Variants in BEGAIN observed in about 807,000 individuals in gnomAD.
BEGAIN encodes brain enriched guanylate kinase associated.
A neutral mutation model predicts 35.8 loss-of-function variants in BEGAIN; 19 were observed. The ratio of observed to expected loss-of-function variants is 0.53; its 90% CI spans 0.37 to 0.78. The LOEUF (loss-of-function observed/expected upper bound fraction) is 0.78, where lower values mean the gene tolerates loss of function less well. BEGAIN is among the 30% of genes least tolerant of loss of function. The pLI is 0.00. For synonymous variants in BEGAIN, 462 were observed against 388.6 expected (o/e 1.19, Z -2.22); for missense variants, 795 against 853.6 (o/e 0.93, Z 0.85).
intron 2 of BEGAIN, 87 bp from the exon 3 acceptor site, chr14:100,546,749 A>G: frequency 7.8e-7 from 1 of 1,289,176 alleles, no homozygotes; most frequent in Non-Finnish European, 1.0e-6. Flanking sequence ...GTGCCGCACT[A>G]ACACGCGAGT....
chr14:100,580,314 CATAA>C (rs1330802783), intron 1 of BEGAIN, among the ~76,000 whole-genome samples: 2 of 152,082 alleles, frequency 1.3e-5, no homozygotes, highest in Non-Finnish European at 2.9e-5. Context: ...AAAATAAACA[CATAA>C]ATAAAGAAAA....
intron 1 of BEGAIN, among the ~76,000 whole-genome samples, chr14:100,571,908 A>G (rs943564252): frequency 2.0e-5 from 3 of 152,094 alleles, no homozygotes; most frequent in African/African-American, 7.2e-5. Context: ...CTACCCATCT[A>G]AAGCATCGGT....
rs1227578199 is a variant in BEGAIN, at chr14:100,567,718, C to G, written c.71+193G>C. ...GCGGCCCGGGCCGGCGGAGGAGCCCCGCGCGAGGCTCCCCAGCGCCTCGCG... is the reference window on the plus strand; with the variant it reads ...GCGGCCCGGGCCGGCGGAGGAGCCCGGCGCGAGGCTCCCCAGCGCCTCGCG... On this transcript the variant is annotated intron_variant, in intron 2 of 6. Coordinates refer to ENST00000554140, the MANE Select transcript of BEGAIN (RefSeq NM_001385089.1). The surrounding 1 kb of genome is among the most constrained non-coding windows in gnomAD (Gnocchi z 5.1). Among the ~76,000 whole-genome samples, 1 of 151,134 alleles carries G rather than the reference C, an allele frequency of 6.6e-6. No individual in the cohort carries two copies. The highest frequency in any genetic ancestry group is 1.5e-5 in the Non-Finnish European group (1 of 67,714).
chr14:100,565,965 T>C (rs1026596645), intron 2 of BEGAIN, among the ~76,000 whole-genome samples: 1 of 152,190 alleles, frequency 6.6e-6, no homozygotes, highest in African/African-American at 2.4e-5. Flanking sequence ...GGGCTTTTGG[T>C]TCTGAATCCC....
At chr14:100,560,890 C>T (rs1172214877) in intron 2 of BEGAIN, among the ~76,000 whole-genome samples, 1 of 152,200 alleles carries the variant, frequency 6.6e-6, no homozygotes, top group Non-Finnish European at 1.5e-5. Flanking sequence ...CCCAGAGCCT[C>T]GGTGGGTCCA....
intron 2 of BEGAIN, among the ~76,000 whole-genome samples, chr14:100,555,358 G>T (rs1011465787): frequency 6.6e-6 from 1 of 152,234 alleles, no homozygotes; most frequent in Non-Finnish European, 1.5e-5. Context: ...GGCCACCCTC[G>T]TTCCTCATGG....
intron 2 of BEGAIN, among the ~76,000 whole-genome samples, chr14:100,559,549 C>A (rs368543788): frequency 1.3e-5 from 2 of 152,368 alleles, no homozygotes; most frequent in East Asian, 3.9e-4. Flanking sequence ...CATTACTGGC[C>A]ACCAAGGAAC....
At chr14:100,585,033 C>T (rs552422951) in intron 1 of BEGAIN, among the ~76,000 whole-genome samples, 1 of 152,228 alleles carries the variant, frequency 6.6e-6, no homozygotes, top group South Asian at 2.1e-4. Context: ...CTACACTCTC[C>T]CCATCACCTT....
intron 2 of BEGAIN, among the ~76,000 whole-genome samples, chr14:100,551,585 G>C (rs2033202882): frequency 6.6e-6 from 1 of 152,196 alleles, no homozygotes. Flanking sequence ...AGTTATACCT[G>C]GGTGGTGAAA....
intron 2 of BEGAIN, among the ~76,000 whole-genome samples, chr14:100,556,898 C>T (rs1411659221): frequency 6.6e-6 from 1 of 152,220 alleles, no homozygotes; most frequent in African/African-American, 2.4e-5. Flanking sequence ...TCCCTCCATG[C>T]CCCCTCTCTG....
rs2032540551 is a variant in BEGAIN, at chr14:100,546,774, GC to G, written c.72-113del. The G allele has an allele frequency of 4.0e-6, 3 of 756,424 alleles. No individual in the cohort carries two copies. In the African/African-American group the frequency reaches 8.2e-5, roughly 21 times the overall value. 46.9% of individuals were successfully genotyped at this position (756,424 alleles called of 1,614,324 possible). A position where few individuals can be genotyped will look rare whatever the true frequency, so the allele number is the denominator to read the frequency against. On this transcript the variant is annotated intron_variant, in intron 2 of 6. Transcript: ENST00000554140. ...AACACGCGAGTACCGGCGCGCGCGC[GC>G]GCGCGCACACACACACACACACACA...
At chr14:100,545,087 G>T in intron 3 of BEGAIN, 21 bp from the exon 4 acceptor site, 1 of 1,612,808 alleles carries the variant, frequency 6.2e-7, no homozygotes, top group Non-Finnish European at 8.5e-7. Flanking sequence ...AGGCAAGGGG[G>T]TCACTGCCAT....
rs745327840 is a variant in BEGAIN, at chr14:100,539,040, C to T, written c.768G>A (p.Glu256=). ...YCSDTALYCP[E]ERRRDRRPSV... is the part of the protein sequence containing the mutation. The stretch of plus-strand genomic sequence containing the variant: ...TAGGCCGCCGGTCTCGCCGCCGCTC[C>T]TCCGGGCAGTAGAGGGCTGTGTCAC... The change falls in exon 7 of 7, where the codon GAG becomes GAA. Residue 256 remains glutamate (E), a synonymous_variant. Coordinates refer to ENST00000554140, the MANE Select transcript of BEGAIN (RefSeq NM_001385089.1). The T allele has an allele frequency of 6.8e-6, 11 of 1,612,226 alleles. No individual in the cohort carries two copies. Among genetic ancestry groups the T allele is most frequent in the Non-Finnish European group, 8.5e-6 (10 of 1,179,532 alleles).
At chr14:100,582,451 CTATTAT>C (rs1445171246) in intron 1 of BEGAIN, among the ~76,000 whole-genome samples, 1 of 152,150 alleles carries the variant, frequency 6.6e-6, no homozygotes, top group African/African-American at 2.4e-5. Flanking sequence ...TCAGAAGTGT[CTATTAT>C]TATTCCCCTT....
chr14:100,570,039 C>T lies in BEGAIN; in HGVS notation c.43-2100G>A, dbSNP rs923729291. Among the ~76,000 whole-genome samples the T allele has an allele frequency of 2.6e-5, 4 of 152,262 alleles. No homozygotes were observed. In the South Asian group the frequency reaches 8.3e-4, roughly 32 times the overall value. On this transcript the variant is annotated intron_variant, in intron 1 of 6. Coordinates refer to ENST00000554140, the MANE Select transcript of BEGAIN (RefSeq NM_001385089.1). ...ACAGAGAAGAGGCTTGCTGGAGATC[C>T]CGCAGCTGAAGGGGCCCAGCTGCGC...
At position 100,538,804 on chromosome 14, in the gene BEGAIN, C is replaced by T. The variant is rs1235095864; in HGVS notation, c.1004G>A (p.Ser335Asn). The change falls in exon 7 of 7, where the codon AGC (serine) becomes AAC (asparagine). Residue 335 changes from serine (S) to asparagine (N), a missense_variant. Around this residue, in one of 3 missense-constraint regions of BEGAIN, gnomAD observed 664 missense variants for 647.7 expected, o/e 1.03. Transcript: ENST00000554140. Reference protein sequence around the residue: ...TSEEKEHAQASTLTASQQAIY... With the variant: ...TSEEKEHAQANTLTASQQAIY... ...GGCCTGCTGCGACGCGGTCAGCGTG[C>T]TGGCCTGCGCGTGCTCCTTCTCCTC... 3 of 1,601,312 alleles carry T rather than the reference C, an allele frequency of 1.9e-6. No individual in the cohort carries two copies. The highest frequency in any genetic ancestry group is 1.7e-6 in the Non-Finnish European group (2 of 1,175,818).
chr14:100,570,665 A>G (rs73352966), intron 1 of BEGAIN, among the ~76,000 whole-genome samples: 14,026 of 152,218 alleles, frequency 0.092, 2,144 homozygotes, highest in African/African-American at 0.32. Flanking sequence ...TGACACAGGC[A>G]TCTTTATGGG....
Position 100,558,075 on chromosome 14 carries a change from C to G in BEGAIN, c.71+9836G>C, listed in dbSNP as rs76451690. On this transcript the variant is annotated intron_variant, in intron 2 of 6. Transcript: ENST00000554140. The surrounding 1 kb of genome is among the most constrained non-coding windows in gnomAD (Gnocchi z 4.6). ...CTAGTCTCCCTCGCTCCTGAACCAT[C>G]CATTTTTCCCTCGCTTCCTGGTCAT... Among the ~76,000 whole-genome samples the G allele has an allele frequency of 7.2e-3, 1,098 of 152,284 alleles. 16 individuals carry two copies. Among genetic ancestry groups the G allele is most frequent in the African/African-American group, 0.025 (1,049 of 41,552 alleles).
At chr14:100,575,429 G>A (rs1030713186) in intron 1 of BEGAIN, among the ~76,000 whole-genome samples, 6 of 152,176 alleles carry the variant, frequency 3.9e-5, no homozygotes, top group Non-Finnish European at 7.3e-5. Flanking sequence ...TATCTCTAAT[G>A]TCCCCATGGA....
Sources: allele counts gnomAD v4.1 joint callset (sites outside exome capture counted in the v4.1 genomes callset), GRCh38; gene constraint gnomAD v4.1.1; regional missense constraint gnomAD v4.1.1; non-coding constraint Gnocchi (gnomAD v3.1); transcripts MANE v1.5; gene names NCBI Gene and HGNC (gene_info 2026-07-23, HGNC 2026-07-21).